The following RALYL variants were observed in gnomAD, a reference collection of about 807,000 sequenced individuals.
RALYL encodes RNA-binding Raly-like protein.
A neutral mutation model predicts 35.1 loss-of-function variants in RALYL; 29 were observed. That is an observed-to-expected ratio of 0.83 (90% CI 0.61 to 1.13). RALYL has a LOEUF of 1.13. Ranked by LOEUF, RALYL falls within the 50% of genes most tolerant of loss-of-function variation. The pLI, the probability that RALYL is intolerant of heterozygous loss-of-function variation, is 0.00. For synonymous variants in RALYL, 120 were observed against 127.6 expected (o/e 0.94, Z 0.40); for missense variants, 359 against 360.4 (o/e 1.00, Z 0.03).
intron 1 of RALYL, among the ~76,000 whole-genome samples, chr8:84,330,571 C>T (rs566480078): frequency 1.5e-4 from 23 of 152,030 alleles, no homozygotes; most frequent in African/African-American, 4.6e-4. Flanking sequence ...AAAAGTAAAA[C>T]GTAGTTTCCT....
intron 2 of RALYL, among the ~76,000 whole-genome samples, chr8:84,696,076 G>A (rs1445381691): frequency 6.6e-6 from 1 of 151,716 alleles, no homozygotes; most frequent in Non-Finnish European, 1.5e-5. Flanking sequence ...CTTGATTAGT[G>A]TCAGTATTCC....
intron 2 of RALYL, chr8:84,706,089 T>G: frequency 6.5e-7 from 1 of 1,531,778 alleles, no homozygotes; most frequent in East Asian, 2.4e-5. Context: ...AACTTTTTCA[T>G]ATCACTGGGG....
intron 1 of RALYL, among the ~76,000 whole-genome samples, chr8:84,510,585 C>T (rs1376743114): frequency 3.3e-5 from 5 of 151,992 alleles, no homozygotes; most frequent in African/African-American, 7.2e-5. Flanking sequence ...CCGAGGTGGG[C>T]GGATCACCTG....
chr8:84,814,108 T>G (rs1826580298), intron 4 of RALYL, among the ~76,000 whole-genome samples: 1 of 152,184 alleles, frequency 6.6e-6, no homozygotes, highest in African/African-American at 2.4e-5. Flanking sequence ...AAATGGAGAT[T>G]AAAAGATTTA....
chr8:84,412,091 G>A (rs1206496055), intron 1 of RALYL, among the ~76,000 whole-genome samples: 1 of 151,796 alleles, frequency 6.6e-6, no homozygotes, highest in African/African-American at 2.4e-5. Flanking sequence ...CATTATTTCA[G>A]CAAATATCTA....
In RALYL at chr8:84,344,207, A is replaced by G. The variant is rs1222760373; in HGVS notation, c.-24+159783A>G. 5.3e-5 allele frequency among the ~76,000 whole-genome samples: 8 copies of G among 152,098 alleles called. No homozygotes were observed. In the East Asian group the frequency reaches 5.8e-4, roughly 11 times the overall value. On this transcript the variant is annotated intron_variant, in intron 1 of 8. Transcript: ENST00000521268. Reference sequence around the variant, plus strand: ...AGAGGAGACTATGATTAGGTATAATACAGATTAACCTATTAAGAAATACTT... The same window carrying G: ...AGAGGAGACTATGATTAGGTATAATGCAGATTAACCTATTAAGAAATACTT...
chr8:84,916,636 G>T (rs1483634834), intron 8 of RALYL, among the ~76,000 whole-genome samples: 1 of 152,000 alleles, frequency 6.6e-6, no homozygotes, highest in Admixed American at 6.6e-5. Context: ...CAGCCACGTG[G>T]AACTGTAAAT....
chr8:84,626,495 G>C (rs563624544), intron 2 of RALYL, among the ~76,000 whole-genome samples: 3 of 152,206 alleles, frequency 2.0e-5, no homozygotes, highest in Admixed American at 1.3e-4. Flanking sequence ...TGGAATAAAA[G>C]ACATTTAAAT....
intron 5 of RALYL, among the ~76,000 whole-genome samples, chr8:84,857,011 G>A (rs1424050704): frequency 1.4e-5 from 2 of 138,288 alleles, no homozygotes; most frequent in Non-Finnish European, 3.1e-5. Flanking sequence ...GTCCGGCCTG[G>A]GCGACAGAGC....
chr8:84,424,173 A>T (rs1273510117), intron 1 of RALYL, among the ~76,000 whole-genome samples: 2 of 150,046 alleles, frequency 1.3e-5, no homozygotes, highest in Non-Finnish European at 3.0e-5. Flanking sequence ...TCTCCCCATC[A>T]CTTTCAGGTA....
chr8:84,867,065 C>T (rs188719201), intron 6 of RALYL, among the ~76,000 whole-genome samples: 1 of 152,266 alleles, frequency 6.6e-6, no homozygotes, highest in Admixed American at 6.5e-5. Context: ...TGTCAGAAGG[C>T]TTGGTTCCTT....
chr8:84,567,677 G>GT (rs200193309), intron 2 of RALYL, among the ~76,000 whole-genome samples: 5,550 of 141,186 alleles, frequency 0.039, 270 homozygotes, highest in Admixed American at 0.15. Flanking sequence ...AGTGAACGTT[G>GT]TTTTTTTTTT....
intron 2 of RALYL, among the ~76,000 whole-genome samples, chr8:84,669,411 A>G (rs1451833962): frequency 1.3e-5 from 2 of 149,198 alleles, no homozygotes; most frequent in African/African-American, 4.9e-5. Context: ...GGTTTGTTAC[A>G]TGGGTATATT....
rs562423610 is a variant in RALYL at position 84,756,487 on chromosome 8, G to A, written c.257-18092G>A. On this transcript the variant is annotated intron_variant, in intron 2 of 8. Transcript: ENST00000521268. ...GAAAAATGTTGATTTTGCTAGCTTTGAATTGTCATCTCTTTAAGAATAAAT... is the reference window on the plus strand; with the variant it reads ...GAAAAATGTTGATTTTGCTAGCTTTAAATTGTCATCTCTTTAAGAATAAAT... 1.1e-3 allele frequency among the ~76,000 whole-genome samples: 162 copies of A among 152,148 alleles called. 2 individuals are homozygous for A. Among genetic ancestry groups the A allele is most frequent in the Middle Eastern group, 6.8e-3 (2 of 294 alleles).
chr8:84,334,964 G>A (rs1361331736), intron 1 of RALYL, among the ~76,000 whole-genome samples: 3 of 152,076 alleles, frequency 2.0e-5, no homozygotes, highest in South Asian at 2.1e-4. Context: ...GGAAGACAAC[G>A]TCAGATAGTT....
At chr8:84,452,094 G>A (rs1451619342) in intron 1 of RALYL, among the ~76,000 whole-genome samples, 1 of 151,896 alleles carries the variant, frequency 6.6e-6, no homozygotes, top group Non-Finnish European at 1.5e-5. Context: ...CACAGATAGG[G>A]CAGTGTGACT....
chr8:84,604,621 G>T (rs1429543723), intron 2 of RALYL, among the ~76,000 whole-genome samples: 4 of 152,064 alleles, frequency 2.6e-5, no homozygotes, highest in Non-Finnish European at 4.4e-5. Flanking sequence ...AGGAAAGCTT[G>T]CCACACCCTG....
At chr8:84,610,135 T>TTAA (rs1301965540) in intron 2 of RALYL, among the ~76,000 whole-genome samples, 1 of 152,150 alleles carries the variant, frequency 6.6e-6, no homozygotes, top group Non-Finnish European at 1.5e-5. Flanking sequence ...TGATAAACCA[T>TTAA]TAACTAAAAT....
At position 84,219,973 on chromosome 8, in the gene RALYL, G is replaced by A. The variant is rs112018458; in HGVS notation, c.-24+35549G>A. Among the ~76,000 whole-genome samples, 217 of 152,054 alleles carry A rather than the reference G, an allele frequency of 1.4e-3. 3 individuals carry two copies. The highest frequency in any genetic ancestry group is 6.8e-3 in the Middle Eastern group (2 of 294). ...AAGAAAATTGAGTCCTTTATATTTT[G>A]TCCATCACAACACTAACAGTTTGAT... On this transcript the variant is annotated intron_variant, in intron 1 of 8. Coordinates refer to ENST00000521268, the MANE Select transcript of RALYL (RefSeq NM_173848.7).
Sources: gnomAD v4.1 joint callset for allele counts (sites outside exome capture counted in the v4.1 genomes callset) on GRCh38, gnomAD v4.1.1 for gene constraint, MANE v1.5 for transcripts, NCBI Gene and HGNC (gene_info 2026-07-23, HGNC 2026-07-21) for gene names.